Variants in SDK2 observed in about 807,000 individuals in gnomAD.
The protein encoded by SDK2 is sidekick cell adhesion molecule 2.
SDK2 carries 105 observed loss-of-function variants against 253.9 expected under a neutral mutation model. That is an observed-to-expected ratio of 0.41 (90% CI 0.35 to 0.49). The LOEUF is 0.49. Ranked by LOEUF, SDK2 falls within the 20% of genes least tolerant of loss-of-function variation. The pLI, the probability that SDK2 is intolerant of heterozygous loss-of-function variation, is 0.06. For missense variants in SDK2, 2,608 were observed against 3,003.0 expected, an observed-to-expected ratio of 0.87 and a Z score of 3.07; for synonymous variants, 1,249 against 1,234.9, an observed-to-expected ratio of 1.01 and a Z score of -0.24.
chr17:73,341,430 C>G (rs2062436314), intron 44 of SDK2, among the ~76,000 whole-genome samples: 1 of 152,038 alleles, frequency 6.6e-6, no homozygotes, highest in Non-Finnish European at 1.5e-5. Context: ...GATGGGCCCC[C>G]CCTCAGAACT....
intron 1 of SDK2, among the ~76,000 whole-genome samples, chr17:73,626,204 T>A (rs552699520): frequency 6.6e-6 from 1 of 152,220 alleles, no homozygotes; most frequent in African/African-American, 2.4e-5. Flanking sequence ...GCAAGAGATG[T>A]GCCAGAATTG....
At chr17:73,504,040 A>C (rs2063911025) in intron 2 of SDK2, among the ~76,000 whole-genome samples, 1 of 152,060 alleles carries the variant, frequency 6.6e-6, no homozygotes, top group Non-Finnish European at 1.5e-5. Flanking sequence ...AGGTTCCAGG[A>C]ACTGCCAAGG....
At chr17:73,491,138 T>A (rs2063803717) in intron 2 of SDK2, among the ~76,000 whole-genome samples, 1 of 152,196 alleles carries the variant, frequency 6.6e-6, no homozygotes, top group Non-Finnish European at 1.5e-5. Flanking sequence ...CGGCAATCTT[T>A]AAGAGTTAGC....
intron 1 of SDK2, among the ~76,000 whole-genome samples, chr17:73,523,395 C>A (rs1018693757): frequency 6.6e-6 from 1 of 151,872 alleles, no homozygotes; most frequent in African/African-American, 2.4e-5. Context: ...ACCCTGGATA[C>A]CCGTGGTTGT....
chr17:73,598,658 C>T (rs757773384), intron 1 of SDK2, among the ~76,000 whole-genome samples: 9 of 152,116 alleles, frequency 5.9e-5, no homozygotes, highest in Non-Finnish European at 7.3e-5. Context: ...CGACGTGGAT[C>T]GCTGGCCTTT....
chr17:73,542,657 G>A (rs1345256078), intron 1 of SDK2, among the ~76,000 whole-genome samples: 1 of 152,134 alleles, frequency 6.6e-6, no homozygotes, highest in Non-Finnish European at 1.5e-5. Context: ...GGAGGACCCA[G>A]GGGAAGGGCC....
In SDK2 at chr17:73,616,108, T is replaced by G. The variant is rs1023774667; in HGVS notation, c.64+27917A>C. ...TCTGAGCTTGACAGTGTGCATGAAG[T>G]AGACATATGATCCAGTTTGTGGAAT... On this transcript the variant is annotated intron_variant, in intron 1 of 44. Transcript: ENST00000392650. The surrounding 1 kb of genome is among the most constrained non-coding windows in gnomAD (Gnocchi z 5.2). 2.6e-5 allele frequency among the ~76,000 whole-genome samples: 4 copies of G among 152,088 alleles called. No individual in the cohort carries two copies. The highest frequency in any genetic ancestry group is 2.9e-5 in the Non-Finnish European group (2 of 68,024).
At chr17:73,453,728 A>G (rs921010500) in intron 4 of SDK2, among the ~76,000 whole-genome samples, 10 of 152,166 alleles carry the variant, frequency 6.6e-5, no homozygotes, top group Non-Finnish European at 1.3e-4. Context: ...TAGCTGATAC[A>G]TACTAGCATG....
At chr17:73,551,494 C>T (rs2045058831) in intron 1 of SDK2, among the ~76,000 whole-genome samples, 1 of 152,230 alleles carries the variant, frequency 6.6e-6, no homozygotes, top group Non-Finnish European at 1.5e-5. Flanking sequence ...GGTTTTCTCC[C>T]TCCTTCCATC....
chr17:73,340,734 GTTTTT>G (rs10638504), intron 44 of SDK2, among the ~76,000 whole-genome samples: 3 of 77,558 alleles, frequency 3.9e-5, no homozygotes, highest in East Asian at 4.8e-4. Context: ...AAACCTTAAA[GTTTTT>G]TTTTTTTTTT....
chr17:73,617,637 A>G (rs1599730205), intron 1 of SDK2, among the ~76,000 whole-genome samples: 1 of 152,266 alleles, frequency 6.6e-6, no homozygotes, highest in East Asian at 1.9e-4. Flanking sequence ...TGAGTGATTT[A>G]CCAACCCCCT....
intron 24 of SDK2, 73 bp downstream of exon 24, chr17:73,397,962 A>C: frequency 6.6e-7 from 1 of 1,511,794 alleles, no homozygotes; most frequent in East Asian, 2.3e-5. Flanking sequence ...AGGAATTCTG[A>C]TGTGCACCTT....
At position 73,436,650 on chromosome 17, in the gene SDK2, C is replaced by T. The variant is rs901542062; in HGVS notation, c.1001-1006G>A. Among the ~76,000 whole-genome samples the T allele has an allele frequency of 5.9e-5, 9 of 151,696 alleles. No individual in the cohort carries two copies. The South Asian group carries it at 1.3e-3, about 21-fold the overall frequency. On this transcript the variant is annotated intron_variant, in intron 8 of 44. Transcript: ENST00000392650. ...ACACCCTATTCCAAGGAGCACCCCA[C>T]GGCCCTGTCCCCACTAAGCCTGCTT...
chr17:73,345,114 T>C (rs2062471609), intron 44 of SDK2, among the ~76,000 whole-genome samples: 2 of 151,902 alleles, frequency 1.3e-5, no homozygotes, highest in South Asian at 4.2e-4. Flanking sequence ...AGGTCAGGAG[T>C]TTGAGACCAG....
intron 8 of SDK2, among the ~76,000 whole-genome samples, chr17:73,436,858 C>T (rs550400119): frequency 6.6e-6 from 1 of 152,200 alleles, no homozygotes; most frequent in African/African-American, 2.4e-5. Flanking sequence ...AATAATGGGG[C>T]ATCTTACAAC....
rs1248389333 is a variant in SDK2 at position 73,472,198 on chromosome 17, T to C, written c.245A>G (p.Asp82Gly). 6.4e-7 allele frequency: 1 copy of C among 1,551,452 alleles called. No individual in the cohort carries two copies. Among genetic ancestry groups the C allele is most frequent in the Non-Finnish European group, 8.7e-7 (1 of 1,146,892 alleles). The change falls in exon 3 of 45, where the codon GAC becomes GGC. Residue 82 changes from aspartate (D) to glycine (G), a missense_variant. Transcript: ENST00000392650. ...ACGGTAAAAGCCAGCGTGGGTGCGG[T>C]CCAGGCTGGTGATCATGTATCTATG... is the stretch of plus-strand genomic sequence containing the variant. Reference protein sequence around the residue: ...LEYRYMITSLDRTHAGFYRCI... With the variant: ...LEYRYMITSLGRTHAGFYRCI...
chr17:73,428,305 C>T (rs1391904188), intron 12 of SDK2, among the ~76,000 whole-genome samples: 2 of 152,114 alleles, frequency 1.3e-5, no homozygotes, highest in Non-Finnish European at 2.9e-5. Flanking sequence ...ACTTCATGAT[C>T]CACCCGCCTC....
intron 1 of SDK2, among the ~76,000 whole-genome samples, chr17:73,620,192 C>A (rs1181111406): frequency 2.3e-5 from 3 of 133,038 alleles, no homozygotes; most frequent in Non-Finnish European, 4.8e-5. Flanking sequence ...AAGTGAGATC[C>A]TGTCTCAAAA....
chr17:73,387,366 T>A (rs2062881134), intron 30 of SDK2, among the ~76,000 whole-genome samples: 1 of 152,166 alleles, frequency 6.6e-6, no homozygotes, highest in African/African-American at 2.4e-5. Flanking sequence ...CGTCTCTCTT[T>A]TAGATTTATG....
Sources: allele counts gnomAD v4.1 joint callset (sites outside exome capture counted in the v4.1 genomes callset), GRCh38; gene constraint gnomAD v4.1.1; non-coding constraint Gnocchi (gnomAD v3.1); transcripts MANE v1.5; gene names NCBI Gene and HGNC (gene_info 2026-07-23, HGNC 2026-07-21).